FAM174A: variants seen among roughly 807,000 people sequenced by gnomAD.
FAM174A encodes family with sequence similarity 174 member A.
A neutral mutation model predicts 14.3 loss-of-function variants in FAM174A; 14 were observed. The ratio of observed to expected loss-of-function variants is 0.98; its 90% CI spans 0.65 to 1.53. The LOEUF is 1.53. Among genes scored for constraint, FAM174A ranks in the 40% most tolerant of loss-of-function variants. The probability of loss-of-function intolerance (pLI) is 0.00; values close to 1 mark genes in which losing one functional copy is unlikely to be tolerated. For synonymous variants in FAM174A, 108 were observed against 111.4 expected (o/e 0.97, Z 0.19); for missense variants, 241 against 249.6 (o/e 0.97, Z 0.23).
chr5:100,562,153 T>C lies in FAM174A; in HGVS notation c.534T>C (p.Asp178=). The C allele has an allele frequency of 1.3e-6, 2 of 1,583,018 alleles. No individual in the cohort carries two copies. Among genetic ancestry groups the C allele is most frequent in the Non-Finnish European group, 1.7e-6 (2 of 1,167,680 alleles). ...LTPLEQDDED[D]DNTLFDANHP... ...CTTTAGAACAGGATGATGAGGATGA[T>C]GACAACACGTTGTTTGATGCCAATC... is the stretch of plus-strand genomic sequence containing the variant. The change falls in exon 2 of 3, where the codon GAT becomes GAC. Residue 178 remains aspartate (D), a synonymous_variant. Coordinates refer to ENST00000312637, the MANE Select transcript of FAM174A (RefSeq NM_198507.3).
chr5:100,542,034 G>A (rs534308298), intron 1 of FAM174A, among the ~76,000 whole-genome samples: 1 of 151,988 alleles, frequency 6.6e-6, no homozygotes, highest in South Asian at 2.1e-4. Context: ...CTCATCTTTG[G>A]TCCCTAAAGG....
intron 2 of FAM174A, among the ~76,000 whole-genome samples, chr5:100,570,518 A>C (rs10065274): frequency 0.082 from 12,468 of 151,994 alleles, 796 homozygotes; most frequent in African/African-American, 0.17. Context: ...TGGAAGAAAA[A>C]GTCTATACTT....
intron 2 of FAM174A, among the ~76,000 whole-genome samples, chr5:100,585,074 A>G (rs1254360050): frequency 6.6e-6 from 1 of 152,184 alleles, no homozygotes; most frequent in African/African-American, 2.4e-5. Context: ...CGAATTGCCC[A>G]TGTGGAGATG....
At chr5:100,551,565 C>T (rs1485552838) in intron 1 of FAM174A, among the ~76,000 whole-genome samples, 3 of 152,148 alleles carry the variant, frequency 2.0e-5, no homozygotes, top group Non-Finnish European at 4.4e-5. Flanking sequence ...ATTTCCCTTT[C>T]CTCTCTCTCT....
chr5:100,559,242 C>A (rs1746471878), intron 1 of FAM174A, among the ~76,000 whole-genome samples: 1 of 152,290 alleles, frequency 6.6e-6, no homozygotes, highest in African/African-American at 2.4e-5. Flanking sequence ...AAATTCTTTT[C>A]TTTAAGAATG....
At chr5:100,575,639 C>G (rs944271345) in intron 2 of FAM174A, among the ~76,000 whole-genome samples, 2 of 151,994 alleles carry the variant, frequency 1.3e-5, no homozygotes, top group African/African-American at 4.8e-5. Context: ...GACTTCATGT[C>G]GAAAACACCA....
At position 100,535,719 on chromosome 5, in the gene FAM174A, C is replaced by G; in HGVS notation, c.189C>G (p.Ala63=). 1.2e-6 allele frequency: 2 copies of G among 1,605,792 alleles called. No homozygotes were observed. The highest frequency in any genetic ancestry group is 1.7e-5 in the Admixed American group (1 of 59,652). Residue 63 remains alanine (A), a synonymous_variant, in exon 1 of 3, where the codon GCC becomes GCG. Coordinates refer to ENST00000312637, the MANE Select transcript of FAM174A (RefSeq NM_198507.3). ...LPPLPPGPTP[A]QQPGRGLAEA... ...CGCTGCCACCGGGCCCTACCCCTGCCCAGCAGCCGGGCCGTGGTCTGGCTG... is the reference window on the plus strand; with the variant it reads ...CGCTGCCACCGGGCCCTACCCCTGCGCAGCAGCCGGGCCGTGGTCTGGCTG...
At chr5:100,572,324 A>G in intron 2 of FAM174A, among the ~76,000 whole-genome samples, 1 of 147,818 alleles carries the variant, frequency 6.8e-6, no homozygotes. Flanking sequence ...ATATGTATAC[A>G]TGTGCCATGC....
chr5:100,580,907 T>A (rs956005462), intron 2 of FAM174A, among the ~76,000 whole-genome samples: 2 of 152,030 alleles, frequency 1.3e-5, no homozygotes, highest in African/African-American at 4.8e-5. Context: ...TTGCAGAGTT[T>A]GTTTGTTTGT....
intron 1 of FAM174A, among the ~76,000 whole-genome samples, chr5:100,548,664 T>G (rs1008177341): frequency 4.6e-5 from 7 of 152,142 alleles, no homozygotes; most frequent in African/African-American, 1.7e-4. Context: ...TTTTCTCTAC[T>G]TTGTGCCTTT....
intron 1 of FAM174A, among the ~76,000 whole-genome samples, chr5:100,556,359 T>A (rs897814174): frequency 6.6e-6 from 1 of 152,208 alleles, no homozygotes; most frequent in East Asian, 1.9e-4. Flanking sequence ...GTAGTATAGT[T>A]TGAAGTCAGG....
chr5:100,574,489 C>G (rs1484875518), intron 2 of FAM174A, among the ~76,000 whole-genome samples: 1 of 152,104 alleles, frequency 6.6e-6, no homozygotes, highest in Non-Finnish European at 1.5e-5. Context: ...CACCGGGCCT[C>G]AAACTTAAAA....
At chr5:100,585,563 G>A (rs112859399) in intron 2 of FAM174A, among the ~76,000 whole-genome samples, 3,180 of 152,122 alleles carry the variant, frequency 0.021, 103 homozygotes, top group African/African-American at 0.071. Context: ...ACAGGAGTGC[G>A]CCATCACACC....
At chr5:100,537,475 G>T (rs1314070822) in intron 1 of FAM174A, among the ~76,000 whole-genome samples, 1 of 152,050 alleles carries the variant, frequency 6.6e-6, no homozygotes, top group Non-Finnish European at 1.5e-5. Context: ...AATTAATATG[G>T]TAAAGTTGAT....
At chr5:100,583,568 T>C (rs2112407966) in intron 2 of FAM174A, among the ~76,000 whole-genome samples, 1 of 152,338 alleles carries the variant, frequency 6.6e-6, no homozygotes, top group Non-Finnish European at 1.5e-5. Flanking sequence ...TTTCTGTTCA[T>C]TGTTCCATTG....
At chr5:100,548,399 G>A (rs1256278194) in intron 1 of FAM174A, among the ~76,000 whole-genome samples, 1 of 151,646 alleles carries the variant, frequency 6.6e-6, no homozygotes, top group Non-Finnish European at 1.5e-5. Flanking sequence ...TAGCTGCCAA[G>A]TTATTATTAT....
At chr5:100,572,317 T>C (rs1405547349) in intron 2 of FAM174A, among the ~76,000 whole-genome samples, 3 of 150,718 alleles carry the variant, frequency 2.0e-5, no homozygotes, top group African/African-American at 4.9e-5. Context: ...TAGTTACATA[T>C]GTATACATGT....
intron 2 of FAM174A, among the ~76,000 whole-genome samples, chr5:100,584,880 T>C (rs770454245): frequency 6.6e-6 from 1 of 152,130 alleles, no homozygotes; most frequent in Non-Finnish European, 1.5e-5. Flanking sequence ...CCAACTTCTT[T>C]TTTTTTTTGT....
chr5:100,585,132 C>A (rs556880970), intron 2 of FAM174A, among the ~76,000 whole-genome samples: 1 of 152,216 alleles, frequency 6.6e-6, no homozygotes, highest in African/African-American at 2.4e-5. Context: ...CGCTTGAGCT[C>A]ACCATAATAA....
Sources: gnomAD v4.1 joint callset for allele counts (sites outside exome capture counted in the v4.1 genomes callset) on GRCh38, gnomAD v4.1.1 for gene constraint, MANE v1.5 for transcripts, NCBI Gene and HGNC (gene_info 2026-07-23, HGNC 2026-07-21) for gene names.